RANBP17: variants seen among roughly 807,000 people sequenced by gnomAD.
RANBP17 encodes the protein ran-binding protein 17.
RANBP17 carries 158 observed loss-of-function variants against 141.2 expected under a neutral mutation model. That is an observed-to-expected ratio of 1.12 (90% confidence interval 0.98 to 1.28). The LOEUF (loss-of-function observed/expected upper bound fraction) is 1.28, where lower values mean the gene tolerates loss of function less well. RANBP17 is among the 50% of genes most tolerant of loss of function. The probability of loss-of-function intolerance (pLI) is 0.00; values close to 1 mark genes in which losing one functional copy is unlikely to be tolerated. For missense variants in RANBP17, 1,438 were observed against 1,290.7 expected, an observed-to-expected ratio of 1.11 and a Z score of -1.75; for synonymous variants, 430 against 450.0, an observed-to-expected ratio of 0.96 and a Z score of 0.56.
At chr5:170,897,521 A>C (rs908367404) in intron 5 of RANBP17, among the ~76,000 whole-genome samples, 1 of 152,048 alleles carries the variant, frequency 6.6e-6, no homozygotes, top group Non-Finnish European at 1.5e-5. Flanking sequence ...CCAGCCATCT[A>C]TCTACATTAG....
Position 171,242,680 on chromosome 5 carries a change from A to G in RANBP17, c.2638-2A>G. 1 of 1,613,254 alleles carries G rather than the reference A, an allele frequency of 6.2e-7. No individual in the cohort carries two copies. Among genetic ancestry groups the G allele is most frequent in the Non-Finnish European group, 8.5e-7 (1 of 1,179,738 alleles). On this transcript the variant is annotated splice_acceptor_variant, in intron 23 of 27. Transcript: ENST00000523189. LOFTEE classifies it high-confidence loss of function. Reference sequence around the variant, plus strand: ...GACATTTAGTATATCTCTGTGTTGTAGCAATACCGGAAACTGAGCCAGTCT... The same window carrying G: ...GACATTTAGTATATCTCTGTGTTGTGGCAATACCGGAAACTGAGCCAGTCT...
chr5:171,115,674 T>C (rs989823646), intron 14 of RANBP17, among the ~76,000 whole-genome samples: 1 of 152,202 alleles, frequency 6.6e-6, no homozygotes, highest in African/African-American at 2.4e-5. Context: ...TAGTGCACAA[T>C]CTAACGGGAT....
chr5:171,152,404 G>A (rs1382106631), intron 14 of RANBP17, among the ~76,000 whole-genome samples: 4 of 148,938 alleles, frequency 2.7e-5, no homozygotes, highest in African/African-American at 5.0e-5. Flanking sequence ...GCGACAGAAC[G>A]AGACTCTATC....
intron 14 of RANBP17, among the ~76,000 whole-genome samples, chr5:171,016,372 A>T (rs1019726067): frequency 6.6e-6 from 1 of 151,998 alleles, no homozygotes; most frequent in Non-Finnish European, 1.5e-5. Context: ...TAGCTTACAT[A>T]CCATAAAGAC....
chr5:170,863,946 T>G (rs955470969), intron 1 of RANBP17, among the ~76,000 whole-genome samples: 3 of 152,184 alleles, frequency 2.0e-5, no homozygotes, highest in Non-Finnish European at 4.4e-5. Flanking sequence ...AGAAAAAAAC[T>G]GAAATTTCTC....
rs147411366 is a variant in RANBP17, at chr5:171,035,122, T to C, written c.1710+66745T>C. 1.9e-3 allele frequency among the ~76,000 whole-genome samples: 288 copies of C among 152,332 alleles called. 1 individual carries two copies. The highest frequency in any genetic ancestry group is 6.1e-3 in the African/African-American group (255 of 41,586). ...CTAGATGGGGTTGTTATATATATGATTTTTTGTAGAAGGCCTTTCTGATAA... is the reference window on the plus strand; with the variant it reads ...CTAGATGGGGTTGTTATATATATGACTTTTTGTAGAAGGCCTTTCTGATAA... On this transcript the variant is annotated intron_variant, in intron 14 of 27. Coordinates refer to ENST00000523189, the MANE Select transcript of RANBP17 (RefSeq NM_022897.5).
chr5:171,199,980 G>A (rs1762208136), intron 19 of RANBP17, among the ~76,000 whole-genome samples: 3 of 152,162 alleles, frequency 2.0e-5, no homozygotes, highest in Admixed American at 1.3e-4. Flanking sequence ...GTTTTGGACA[G>A]TCAGTTCATG....
chr5:171,021,215 A>C (rs528792442), intron 14 of RANBP17, among the ~76,000 whole-genome samples: 1 of 152,058 alleles, frequency 6.6e-6, no homozygotes, highest in African/African-American at 2.4e-5. Flanking sequence ...TTTTTTCTGC[A>C]TTTCAACCTT....
chr5:171,176,548 T>C (rs1167614964), intron 16 of RANBP17, among the ~76,000 whole-genome samples: 1 of 152,186 alleles, frequency 6.6e-6, no homozygotes, highest in Non-Finnish European at 1.5e-5. Flanking sequence ...TTGACACTGA[T>C]TGCAAACTTC....
At chr5:171,091,487 A>C (rs111247191) in intron 14 of RANBP17, among the ~76,000 whole-genome samples, 70 of 152,178 alleles carry the variant, frequency 4.6e-4, no homozygotes, top group Admixed American at 1.3e-3. Flanking sequence ...TGGGCTTTTG[A>C]GTTAATGTTG....
intron 12 of RANBP17, among the ~76,000 whole-genome samples, chr5:170,939,681 T>C (rs571999309): frequency 6.6e-6 from 1 of 152,252 alleles, no homozygotes; most frequent in South Asian, 2.1e-4. Context: ...CCACCGCACC[T>C]GGCTGTAAAC....
intron 26 of RANBP17, 85 bp from the exon 27 acceptor site, chr5:171,295,802 T>G: frequency 3.4e-6 from 5 of 1,465,644 alleles, no homozygotes; most frequent in African/African-American, 1.4e-5. Context: ...CCTGAGTAGA[T>G]GAGAGCTGCT....
chr5:171,052,589 T>C (rs1424503742), intron 14 of RANBP17, among the ~76,000 whole-genome samples: 1 of 152,202 alleles, frequency 6.6e-6, no homozygotes, highest in African/African-American at 2.4e-5. Flanking sequence ...TGTATGTCTG[T>C]TCTTACGCTA....
At chr5:170,948,190 T>G (rs971286106) in intron 12 of RANBP17, among the ~76,000 whole-genome samples, 1 of 152,118 alleles carries the variant, frequency 6.6e-6, no homozygotes, top group Non-Finnish European at 1.5e-5. Context: ...TAAACAGTCA[T>G]GGTTTTGTAA....
At chr5:171,160,893 A>G (rs1032539833) in intron 14 of RANBP17, among the ~76,000 whole-genome samples, 4 of 152,100 alleles carry the variant, frequency 2.6e-5, no homozygotes, top group African/African-American at 7.2e-5. Flanking sequence ...CCTGGGTTCA[A>G]GTGATTCTCC....
chr5:171,215,919 G>A (rs552014726), intron 21 of RANBP17, among the ~76,000 whole-genome samples: 29 of 152,002 alleles, frequency 1.9e-4, no homozygotes, highest in Non-Finnish European at 3.7e-4. Flanking sequence ...ATTAGATCCC[G>A]TTTGTCAATG....
chr5:171,184,750 G>T (rs1332563074), intron 18 of RANBP17, among the ~76,000 whole-genome samples: 1 of 152,154 alleles, frequency 6.6e-6, no homozygotes, highest in Non-Finnish European at 1.5e-5. Flanking sequence ...AAGTGATACA[G>T]TAAAGCAAGT....
At chr5:171,199,834 A>G in intron 19 of RANBP17, 61 bp downstream of exon 19, 1 of 991,550 alleles carries the variant, frequency 1.0e-6, no homozygotes, top group Non-Finnish European at 1.6e-6. Flanking sequence ...ATCTAGATCC[A>G]GAAAAGGGCT....
chr5:171,103,925 G>T (rs1046484325), intron 14 of RANBP17, among the ~76,000 whole-genome samples: 5 of 152,172 alleles, frequency 3.3e-5, no homozygotes, highest in African/African-American at 1.2e-4. Flanking sequence ...GCCCTCTGTG[G>T]ACTGTACCCA....
Sources: gnomAD v4.1 joint callset for allele counts (sites outside exome capture counted in the v4.1 genomes callset) on GRCh38, gnomAD v4.1.1 for gene constraint, MANE v1.5 for transcripts, NCBI Gene and HGNC (gene_info 2026-07-23, HGNC 2026-07-21) for gene names.